The following NCAM2 variants were observed in gnomAD, a reference collection of about 807,000 sequenced individuals.
NCAM2 encodes the protein neural cell adhesion molecule 2, also known as N-CAM-2.
In NCAM2, 30 loss-of-function variants were observed where a neutral mutation model predicts 98.1. The observed-to-expected ratio is 0.31, with a 90% CI of 0.23 to 0.41. The LOEUF (loss-of-function observed/expected upper bound fraction) is 0.41. Ranked by LOEUF, NCAM2 falls within the 10% of genes least tolerant of loss-of-function variation. NCAM2 has a pLI of 1.00. For missense variants in NCAM2, 867 were observed against 1,005.8 expected, an observed-to-expected ratio of 0.86 and a Z score of 1.87; for synonymous variants, 368 against 342.4, an observed-to-expected ratio of 1.07 and a Z score of -0.83.
chr21:21,093,481 C>A (rs2066055696), intron 1 of NCAM2, among the ~76,000 whole-genome samples: 1 of 152,028 alleles, frequency 6.6e-6, no homozygotes, highest in East Asian at 1.9e-4. Context: ...ATCACCTACT[C>A]AAAAAATGTA....
chr21:21,528,715 C>G (rs1285902454), intron 16 of NCAM2, among the ~76,000 whole-genome samples: 2 of 152,086 alleles, frequency 1.3e-5, no homozygotes, highest in African/African-American at 4.8e-5. Context: ...TTCTAGTAGA[C>G]ATATTCACAT....
chr21:21,103,843 A>G (rs1013755336), intron 1 of NCAM2, among the ~76,000 whole-genome samples: 23 of 151,752 alleles, frequency 1.5e-4, no homozygotes, highest in Non-Finnish European at 2.5e-4. Flanking sequence ...TTAATGACTT[A>G]TTTATTATCG....
At chr21:21,021,090 T>G (rs1341560147) in intron 1 of NCAM2, among the ~76,000 whole-genome samples, 1 of 152,188 alleles carries the variant, frequency 6.6e-6, no homozygotes, top group Non-Finnish European at 1.5e-5. Flanking sequence ...TTGATGATCT[T>G]CTGCTTTCAT....
Position 21,538,124 on chromosome 21 carries a change from T to G in NCAM2, c.*167T>G, listed in dbSNP as rs1990084583. ...TACTCCTGCCCATGATCCATTCCCT[T>G]TTGTTATTGTTGTTGTTGTTGCTGT... is the stretch of plus-strand genomic sequence containing the variant. On this transcript the variant is annotated 3_prime_UTR_variant, in exon 18 of 18. Coordinates refer to ENST00000400546, the MANE Select transcript of NCAM2 (RefSeq NM_004540.5). 2.6e-6 allele frequency: 1 copy of G among 389,170 alleles called. No individual in the cohort carries two copies. The highest frequency in any genetic ancestry group is 1.3e-4 in the South Asian group (1 of 7,636). 24.1% of individuals were successfully genotyped at this position (389,170 alleles called of 1,614,324 possible).
intron 1 of NCAM2, among the ~76,000 whole-genome samples, chr21:21,156,932 C>T (rs1421050103): frequency 6.6e-6 from 1 of 152,110 alleles, no homozygotes; most frequent in Non-Finnish European, 1.5e-5. Flanking sequence ...TCTCTTTTCT[C>T]CCTCACTGAA....
chr21:21,090,978 G>T (rs1464481414), intron 1 of NCAM2, among the ~76,000 whole-genome samples: 1 of 151,990 alleles, frequency 6.6e-6, no homozygotes, highest in Non-Finnish European at 1.5e-5. Context: ...CACTACCATT[G>T]GATGTCTGTA....
At chr21:21,099,012 T>C (rs1245852794) in intron 1 of NCAM2, among the ~76,000 whole-genome samples, 2 of 151,900 alleles carry the variant, frequency 1.3e-5, no homozygotes, top group African/African-American at 2.4e-5. Context: ...CCAGGTGATA[T>C]GACCATCAGT....
intron 1 of NCAM2, among the ~76,000 whole-genome samples, chr21:21,189,205 T>G (rs2068738460): frequency 6.6e-6 from 1 of 152,166 alleles, no homozygotes; most frequent in Non-Finnish European, 1.5e-5. Flanking sequence ...ATCAATGGTA[T>G]TAAACCATTC....
At chr21:21,088,897 G>T (rs749258843) in intron 1 of NCAM2, among the ~76,000 whole-genome samples, 1 of 151,856 alleles carries the variant, frequency 6.6e-6, no homozygotes, top group Non-Finnish European at 1.5e-5. Context: ...GCTTGAACTC[G>T]GGAGGCGGAG....
chr21:21,434,539 A>G (rs2077426607), intron 12 of NCAM2, among the ~76,000 whole-genome samples: 1 of 152,190 alleles, frequency 6.6e-6, no homozygotes, highest in African/African-American at 2.4e-5. Flanking sequence ...CCACTGTATG[A>G]TCTCAACTCA....
chr21:21,008,449 A>G (rs1315669420), intron 1 of NCAM2, among the ~76,000 whole-genome samples: 1 of 152,178 alleles, frequency 6.6e-6, no homozygotes, highest in Non-Finnish European at 1.5e-5. Flanking sequence ...TAATTTATCT[A>G]ATGAAGCCCC....
chr21:21,244,773 G>T (rs2071197794), intron 1 of NCAM2, among the ~76,000 whole-genome samples: 1 of 151,000 alleles, frequency 6.6e-6, no homozygotes, highest in African/African-American at 2.4e-5. Flanking sequence ...CTTGAACCTG[G>T]GAGGCGGAGG....
Position 21,466,593 on chromosome 21 carries a change from G to T in NCAM2, c.1655-13G>T, listed in dbSNP as rs1569093067. 1.3e-6 allele frequency: 2 copies of T among 1,542,632 alleles called. No homozygotes were observed. The highest frequency in any genetic ancestry group is 4.8e-5 in the East Asian group (2 of 42,038). On this transcript the variant is annotated splice_polypyrimidine_tract_variant and intron_variant, in intron 12 of 17. Transcript: ENST00000400546. Reference sequence around the variant, plus strand: ...TATATGTTTTATTTTGTTTTGTTTTGTTTTTCTTCTAGCAATGGTTGTTTT... The same window carrying T: ...TATATGTTTTATTTTGTTTTGTTTTTTTTTTCTTCTAGCAATGGTTGTTTT...
chr21:21,472,342 GA>G (rs1458188957), intron 14 of NCAM2, among the ~76,000 whole-genome samples: 2 of 152,000 alleles, frequency 1.3e-5, no homozygotes, highest in Admixed American at 6.6e-5. Flanking sequence ...AGGTAAGTTT[GA>G]AAAGGGCATT....
chr21:21,174,477 A>G (rs1196727023), intron 1 of NCAM2, among the ~76,000 whole-genome samples: 1 of 152,246 alleles, frequency 6.6e-6, no homozygotes, highest in Non-Finnish European at 1.5e-5. Context: ...TAGCAAGCCT[A>G]TAGTGAGACA....
intron 4 of NCAM2, 54 bp from the exon 5 acceptor site, chr21:21,292,050 T>A: frequency 6.4e-7 from 1 of 1,565,114 alleles, no homozygotes. Context: ...TAGAGCACTC[T>A]GGACTTAGCC....
chr21:21,088,482 C>G (rs1289736702), intron 1 of NCAM2, among the ~76,000 whole-genome samples: 1 of 152,006 alleles, frequency 6.6e-6, no homozygotes, highest in East Asian at 1.9e-4. Context: ...AAACATGATG[C>G]CAATTTTGTT....
chr21:21,381,154 A>G (rs2076145750), intron 9 of NCAM2, among the ~76,000 whole-genome samples: 2 of 152,306 alleles, frequency 1.3e-5, no homozygotes, highest in Admixed American at 1.3e-4. Flanking sequence ...AGGGTCAGGG[A>G]ATAAATATTT....
chr21:21,058,519 T>C (rs889944980), intron 1 of NCAM2, among the ~76,000 whole-genome samples: 4 of 152,142 alleles, frequency 2.6e-5, no homozygotes, highest in Non-Finnish European at 5.9e-5. Flanking sequence ...AAAAGAAACA[T>C]GTAGCTATTT....
Sources: allele counts gnomAD v4.1 joint callset (sites outside exome capture counted in the v4.1 genomes callset), GRCh38; gene constraint gnomAD v4.1.1; transcripts MANE v1.5; gene names NCBI Gene and HGNC (gene_info 2026-07-23, HGNC 2026-07-21).